CHCHD6: variants seen among roughly 807,000 people sequenced by gnomAD.
The protein encoded by CHCHD6 is MICOS complex subunit MIC25.
In CHCHD6, 28 loss-of-function variants were observed where a neutral mutation model predicts 32.3. The observed-to-expected ratio is 0.87, with a 90% CI of 0.64 to 1.19. CHCHD6 has a LOEUF of 1.19. CHCHD6 is among the 50% of genes most tolerant of loss of function. CHCHD6 has a pLI of 0.00. For missense variants in CHCHD6, 333 were observed against 307.0 expected (o/e 1.08, Z -0.63); for synonymous variants, 122 against 117.5 (o/e 1.04, Z -0.25).
At chr3:126,762,185 C>G (rs1213015931) in intron 4 of CHCHD6, among the ~76,000 whole-genome samples, 1 of 152,036 alleles carries the variant, frequency 6.6e-6, no homozygotes, top group Non-Finnish European at 1.5e-5. Flanking sequence ...CTTCCTTTTG[C>G]CAGCTTTGGG....
intron 4 of CHCHD6, among the ~76,000 whole-genome samples, chr3:126,739,234 A>G (rs1457940524): frequency 6.6e-6 from 1 of 152,164 alleles, no homozygotes; most frequent in East Asian, 1.9e-4. Flanking sequence ...TCTTTTGTCT[A>G]CTGAGCTTAG....
intron 5 of CHCHD6, among the ~76,000 whole-genome samples, chr3:126,862,255 T>A (rs1480174621): frequency 4.0e-5 from 4 of 99,912 alleles, no homozygotes; most frequent in Non-Finnish European, 6.3e-5. Flanking sequence ...CTCCTCCTCC[T>A]CCTCCATCAC....
chr3:126,815,784 T>C (rs1186481154), intron 4 of CHCHD6, among the ~76,000 whole-genome samples: 1 of 152,110 alleles, frequency 6.6e-6, no homozygotes, highest in East Asian at 1.9e-4. Flanking sequence ...TACATTTCTG[T>C]GATCAAGTCC....
chr3:126,922,717 A>ATGTG (rs150511820), intron 6 of CHCHD6, among the ~76,000 whole-genome samples: 1 of 145,608 alleles, frequency 6.9e-6, no homozygotes, highest in Non-Finnish European at 1.5e-5. Context: ...GTGTATGTGT[A>ATGTG]TGTGTGTGTG....
At chr3:126,728,084 A>G (rs1935621284) in intron 2 of CHCHD6, among the ~76,000 whole-genome samples, 1 of 152,082 alleles carries the variant, frequency 6.6e-6, no homozygotes, top group African/African-American at 2.4e-5. Context: ...CTCGCGTTAC[A>G]GTTGCCTTTT....
intron 4 of CHCHD6, among the ~76,000 whole-genome samples, chr3:126,813,710 T>C (rs1046007274): frequency 6.6e-6 from 1 of 152,242 alleles, no homozygotes; most frequent in African/African-American, 2.4e-5. Flanking sequence ...TCAGCTGGCC[T>C]GGACACACTG....
rs753340313 is a variant in CHCHD6 at position 126,833,676 on chromosome 3, TG to T, written c.412-18969del. Among the ~76,000 whole-genome samples, 12 of 152,290 alleles carry T rather than the reference TG, an allele frequency of 7.9e-5. No homozygotes were observed. In the Middle Eastern group the frequency reaches 0.01, roughly 129 times the overall value. On this transcript the variant is annotated intron_variant, in intron 4 of 7. Transcript: ENST00000290913. ...TAGTGGTATAATAATGATGAGTCCT[TG>T]GAGAATAAATATACAACCTCTCGAG... is the stretch of plus-strand genomic sequence containing the variant.
chr3:126,756,885 C>T (rs985505415), intron 4 of CHCHD6, among the ~76,000 whole-genome samples: 2 of 152,084 alleles, frequency 1.3e-5, no homozygotes, highest in Non-Finnish European at 2.9e-5. Context: ...AGTGGTTAAC[C>T]TTAGTCTGGT....
At chr3:126,788,015 A>C (rs1938311205) in intron 4 of CHCHD6, among the ~76,000 whole-genome samples, 1 of 152,012 alleles carries the variant, frequency 6.6e-6, no homozygotes, top group Non-Finnish European at 1.5e-5. Context: ...TACCTAATTT[A>C]TTGAGAGTTT....
chr3:126,889,143 C>T lies in CHCHD6; in HGVS notation c.496-25537C>T, dbSNP rs542022036. Among the ~76,000 whole-genome samples the T allele has an allele frequency of 2.6e-5, 4 of 152,158 alleles. No individual in the cohort carries two copies. In the South Asian group the frequency reaches 8.3e-4, roughly 32 times the overall value. On this transcript the variant is annotated intron_variant, in intron 5 of 7. Transcript: ENST00000290913. ...GGAGGTTTCTTGAAGGAGGTGGTGT[C>T]GGGGTGGACTAGAAGGCCTAGGAAT...
intron 6 of CHCHD6, among the ~76,000 whole-genome samples, chr3:126,924,864 C>T (rs573362686): frequency 6.6e-6 from 1 of 152,310 alleles, no homozygotes; most frequent in Admixed American, 6.5e-5. Context: ...AACCCAGCAG[C>T]CAGGAGCTGA....
chr3:126,781,197 C>T (rs1296414942), intron 4 of CHCHD6, among the ~76,000 whole-genome samples: 2 of 152,094 alleles, frequency 1.3e-5, no homozygotes, highest in African/African-American at 2.4e-5. Context: ...AAGGTAGGAG[C>T]TTTAGAGGGG....
At chr3:126,854,187 T>G (rs1444949351) in intron 5 of CHCHD6, among the ~76,000 whole-genome samples, 1 of 152,232 alleles carries the variant, frequency 6.6e-6, no homozygotes, top group East Asian at 1.9e-4. Context: ...TGGATGAGTC[T>G]TCTTGCTCTT....
intron 5 of CHCHD6, among the ~76,000 whole-genome samples, chr3:126,874,185 C>T (rs1177578792): frequency 6.6e-6 from 1 of 152,212 alleles, no homozygotes; most frequent in Non-Finnish European, 1.5e-5. Flanking sequence ...AATTCAGCTC[C>T]TCTGTGTGCC....
At chr3:126,924,869 A>G (rs2078300737) in intron 6 of CHCHD6, among the ~76,000 whole-genome samples, 1 of 152,164 alleles carries the variant, frequency 6.6e-6, no homozygotes, top group African/African-American at 2.4e-5. Flanking sequence ...AGCAGCCAGG[A>G]GCTGAGGTCG....
intron 6 of CHCHD6, among the ~76,000 whole-genome samples, chr3:126,940,531 C>T (rs1423272856): frequency 6.6e-6 from 1 of 152,028 alleles, no homozygotes; most frequent in Non-Finnish European, 1.5e-5. Context: ...TGTTTGTGTG[C>T]TTATATGTTT....
At chr3:126,943,546 T>C (rs1328791980) in intron 6 of CHCHD6, among the ~76,000 whole-genome samples, 1 of 152,172 alleles carries the variant, frequency 6.6e-6, no homozygotes, top group African/African-American at 2.4e-5. Context: ...AGGCACATTT[T>C]CTGGGTGCTT....
chr3:126,760,396 T>C (rs1937117501), intron 4 of CHCHD6, among the ~76,000 whole-genome samples: 1 of 152,238 alleles, frequency 6.6e-6, no homozygotes, highest in Admixed American at 6.5e-5. Flanking sequence ...TTCATTGGCT[T>C]TAATTATAGT....
At position 126,890,883 on chromosome 3, in the gene CHCHD6, G is replaced by T. The variant is rs117236424; in HGVS notation, c.496-23797G>T. 4.5e-4 allele frequency among the ~76,000 whole-genome samples: 69 copies of T among 152,294 alleles called. No individual in the cohort carries two copies. In the East Asian group the frequency reaches 0.013, roughly 28 times the overall value. ...TCTCACTTTGGCTGGGGTTCCCCAG[G>T]GAGTGGGGAGGGAATGTTGGAGATG... On this transcript the variant is annotated intron_variant, in intron 5 of 7. Transcript: ENST00000290913.
Sources: allele counts gnomAD v4.1 joint callset (sites outside exome capture counted in the v4.1 genomes callset), GRCh38; gene constraint gnomAD v4.1.1; transcripts MANE v1.5; gene names NCBI Gene and HGNC (gene_info 2026-07-23, HGNC 2026-07-21).